Variants in CEP85L observed in about 807,000 individuals in gnomAD.
The protein encoded by CEP85L is centrosomal protein 85L.
Under a neutral mutation model 100.3 loss-of-function variants are expected in CEP85L, and 60 were observed. The ratio of observed to expected loss-of-function variants is 0.60; its 90% CI spans 0.49 to 0.74. The LOEUF (loss-of-function observed/expected upper bound fraction) is 0.74, where lower values mean the gene tolerates loss of function less well. CEP85L is among the 30% of genes least tolerant of loss of function. The pLI is 0.00. For missense variants in CEP85L, 973 were observed against 936.2 expected, an observed-to-expected ratio of 1.04 and a Z score of -0.51; for synonymous variants, 319 against 322.7, an observed-to-expected ratio of 0.99 and a Z score of 0.12.
rs138117735 is a variant in CEP85L, at chr6:118,588,590, C to CA, written c.233-22275dup. 4.6e-3 allele frequency among the ~76,000 whole-genome samples: 700 copies of CA among 152,304 alleles called. 5 individuals are homozygous for CA. Among genetic ancestry groups the CA allele is most frequent in the African/African-American group, 0.016 (667 of 41,552 alleles). On this transcript the variant is annotated intron_variant, in intron 2 of 12. Transcript: ENST00000368491. ...TAAGAGAAAATGAAGGCTTCAGCCCCAGGTGACTACAATCCCTCTTTAATG... is the reference window on the plus strand; with the variant it reads ...TAAGAGAAAATGAAGGCTTCAGCCCCAAGGTGACTACAATCCCTCTTTAATG...
In CEP85L at chr6:118,461,783, G is replaced by C. The variant is rs1483805950; in HGVS notation, c.*3622C>G. The C allele has an allele frequency of 6.6e-6, 1 of 151,964 alleles. No homozygotes were observed. Among genetic ancestry groups the C allele is most frequent in the Admixed American group, 6.6e-5 (1 of 15,260 alleles). The allele number at this position is 151,964 out of a possible 1,614,324, so 9.4% of individuals were successfully genotyped here. On this transcript the variant is annotated 3_prime_UTR_variant, in exon 13 of 13. Coordinates refer to ENST00000368491, the MANE Select transcript of CEP85L (RefSeq NM_001042475.3). Reference sequence around the variant, plus strand: ...CATGAATTGTCAAAAATGGAAACATGGCAGTTTCAAATGATATAGTCTGAG... The same window carrying C: ...CATGAATTGTCAAAAATGGAAACATCGCAGTTTCAAATGATATAGTCTGAG...
intron 10 of CEP85L, among the ~76,000 whole-genome samples, chr6:118,473,843 C>G (rs997246730): frequency 5.3e-5 from 8 of 151,968 alleles, no homozygotes; most frequent in Non-Finnish European, 8.8e-5. Context: ...TCTAGGATAC[C>G]TGGACTGAAC....
chr6:118,677,347 G>A (rs1032564296), intron 1 of CEP85L, among the ~76,000 whole-genome samples: 1 of 152,162 alleles, frequency 6.6e-6, no homozygotes, highest in African/African-American at 2.4e-5. Flanking sequence ...GTGAGAAGGG[G>A]GCGAGCTGTA....
At chr6:118,512,432 C>A (rs1013419079) in intron 4 of CEP85L, among the ~76,000 whole-genome samples, 1 of 152,138 alleles carries the variant, frequency 6.6e-6, no homozygotes, top group Non-Finnish European at 1.5e-5. Context: ...TCCCAACTGC[C>A]AGAATAAAAA....
chr6:118,587,387 A>G (rs1423843428), intron 2 of CEP85L, among the ~76,000 whole-genome samples: 1 of 152,190 alleles, frequency 6.6e-6, no homozygotes, highest in African/African-American at 2.4e-5. Context: ...CTTTAAAAGT[A>G]GTGGGGAAGA....
intron 2 of CEP85L, among the ~76,000 whole-genome samples, chr6:118,625,165 T>G (rs997550347): frequency 1.1e-4 from 17 of 152,226 alleles, no homozygotes; most frequent in Non-Finnish European, 2.4e-4. Flanking sequence ...TGACTCCCAA[T>G]AGAAACATCT....
rs113766342 is a variant in CEP85L, at chr6:118,522,950, G to A, written c.1139+852C>T. 3.5e-3 allele frequency among the ~76,000 whole-genome samples: 527 copies of A among 152,162 alleles called. 4 individuals are homozygous for A. Among genetic ancestry groups the A allele is most frequent in the African/African-American group, 0.012 (495 of 41,524 alleles). On this transcript the variant is annotated intron_variant, in intron 4 of 12. Coordinates refer to ENST00000368491, the MANE Select transcript of CEP85L (RefSeq NM_001042475.3). ...TATCTGTGGTCTAGTTTATATTCCA[G>A]TAGATCTTCATTAACAATGCTAAAT...
chr6:118,543,289 A>C lies in CEP85L; in HGVS notation c.1021-19369T>G, dbSNP rs77404648. On this transcript the variant is annotated intron_variant, in intron 3 of 12. Transcript: ENST00000368491. ...CATTAGGGACAAAGAAAATTAGTTT[A>C]TCTAAGTTTCTGAGGGCCTTTATTC... is the stretch of plus-strand genomic sequence containing the variant. Among the ~76,000 whole-genome samples, 96 of 152,310 alleles carry C rather than the reference A, an allele frequency of 6.3e-4. 1 individual carries two copies. The highest frequency in any genetic ancestry group is 2.1e-3 in the African/African-American group (88 of 41,582).
intron 4 of CEP85L, among the ~76,000 whole-genome samples, chr6:118,513,759 T>A (rs566201720): frequency 6.6e-6 from 1 of 152,040 alleles, no homozygotes; most frequent in South Asian, 2.1e-4. Context: ...AAAAAAATGA[T>A]AAAGGAACAC....
intron 2 of CEP85L, among the ~76,000 whole-genome samples, chr6:118,595,950 CTAAAAG>C (rs1243726279): frequency 1.3e-5 from 2 of 152,036 alleles, no homozygotes; most frequent in African/African-American, 4.8e-5. Flanking sequence ...TAGATACAAT[CTAAAAG>C]TAAAATTATA....
chr6:118,541,120 T>C (rs1000270842), intron 3 of CEP85L, among the ~76,000 whole-genome samples: 3 of 152,218 alleles, frequency 2.0e-5, no homozygotes, highest in East Asian at 3.8e-4. Flanking sequence ...GTACCCTCAA[T>C]TAAGCAATAA....
intron 6 of CEP85L, among the ~76,000 whole-genome samples, chr6:118,490,016 G>C (rs1381576338): frequency 6.6e-6 from 1 of 151,412 alleles, no homozygotes; most frequent in Non-Finnish European, 1.5e-5. Flanking sequence ...CACACAAAAT[G>C]GAATATTATT....
At chr6:118,696,887 T>C (rs991109673) in intron 1 of CEP85L, among the ~76,000 whole-genome samples, 3 of 152,186 alleles carry the variant, frequency 2.0e-5, no homozygotes, top group Non-Finnish European at 2.9e-5. Flanking sequence ...TGCTTTGCCA[T>C]CCTGAGCATA....
intron 1 of CEP85L, among the ~76,000 whole-genome samples, chr6:118,634,158 A>T (rs1167095014): frequency 6.6e-6 from 1 of 152,236 alleles, no homozygotes; most frequent in Non-Finnish European, 1.5e-5. Flanking sequence ...TTATTCATTG[A>T]TACCCTATTG....
chr6:118,651,620 C>T (rs1775569109), upstream of CEP85L: 3 of 981,344 alleles, frequency 3.1e-6, no homozygotes, highest in African/African-American at 1.9e-5. Context: ...GAGCCAGAGC[C>T]GGGGCTGGGG....
At chr6:118,671,036 G>C (rs1392042732) in intron 1 of CEP85L, among the ~76,000 whole-genome samples, 2 of 152,110 alleles carry the variant, frequency 1.3e-5, no homozygotes, top group Admixed American at 1.3e-4. Context: ...CTGTAAGGAT[G>C]GTGGTCACTG....
intron 5 of CEP85L, chr6:118,501,893 G>T (rs1244881528): frequency 5.0e-6 from 6 of 1,200,934 alleles, no homozygotes; most frequent in Non-Finnish European, 7.2e-6. Flanking sequence ...TAAAAAGAAA[G>T]ACAAAGATAT....
At chr6:118,571,030 A>C (rs1779856766) in intron 2 of CEP85L, among the ~76,000 whole-genome samples, 1 of 152,036 alleles carries the variant, frequency 6.6e-6, no homozygotes, top group Non-Finnish European at 1.5e-5. Context: ...TTTTAAATTA[A>C]ATATTTAAGA....
intron 2 of CEP85L, among the ~76,000 whole-genome samples, chr6:118,611,374 A>G (rs1339606410): frequency 6.6e-6 from 1 of 152,224 alleles, no homozygotes; most frequent in African/African-American, 2.4e-5. Context: ...TACTAGAAGA[A>G]CTATACAAAG....
Sources: allele counts gnomAD v4.1 joint callset (sites outside exome capture counted in the v4.1 genomes callset), GRCh38; gene constraint gnomAD v4.1.1; transcripts MANE v1.5; gene names NCBI Gene and HGNC (gene_info 2026-07-23, HGNC 2026-07-21).